Variants in DGKB observed in about 807,000 individuals in gnomAD.
DGKB encodes the protein diacylglycerol kinase beta.
A neutral mutation model predicts 114.3 loss-of-function variants in DGKB; 67 were observed. The ratio of observed to expected loss-of-function variants is 0.59; its 90% CI spans 0.48 to 0.72. DGKB has a LOEUF of 0.72. Among genes scored for constraint, DGKB ranks in the 30% least tolerant of loss-of-function variants. DGKB has a pLI of 0.00. For missense variants in DGKB, 907 were observed against 975.2 expected (o/e 0.93, Z 0.93); for synonymous variants, 398 against 323.1 (o/e 1.23, Z -2.49).
chr7:14,917,239 T>C (rs1375916169), intron 1 of DGKB, among the ~76,000 whole-genome samples: 1 of 151,862 alleles, frequency 6.6e-6, no homozygotes, highest in Non-Finnish European at 1.5e-5. Context: ...AAAGTAAAGC[T>C]ATATAAATGT....
intron 23 of DGKB, among the ~76,000 whole-genome samples, chr7:14,272,024 C>G (rs1367361159): frequency 6.6e-6 from 1 of 152,114 alleles, no homozygotes; most frequent in African/African-American, 2.4e-5. Flanking sequence ...CTATTGTCTC[C>G]TTTCCTTGAT....
intron 1 of DGKB, among the ~76,000 whole-genome samples, chr7:14,965,354 C>T (rs950420701): frequency 7.9e-5 from 12 of 151,920 alleles, no homozygotes; most frequent in Non-Finnish European, 1.5e-4. Flanking sequence ...TATGCAAGTA[C>T]GAGGAGGGGA....
intron 20 of DGKB, among the ~76,000 whole-genome samples, chr7:14,572,451 C>CAAAAAAAAAG (rs1798540921): frequency 7.6e-6 from 1 of 131,366 alleles, no homozygotes; most frequent in Non-Finnish European, 1.6e-5. Flanking sequence ...GACACCATCT[C>CAAAAAAAAAG]AAAAAAAAAG....
chr7:14,498,140 C>T (rs909412698), intron 20 of DGKB, among the ~76,000 whole-genome samples: 4 of 151,806 alleles, frequency 2.6e-5, no homozygotes, highest in Non-Finnish European at 5.9e-5. Flanking sequence ...ATATCTATTT[C>T]TGCTTAATTT....
In DGKB at chr7:14,399,921, G is replaced by A. The variant is rs181972808; in HGVS notation, c.1836-54530C>T. 1.2e-4 allele frequency among the ~76,000 whole-genome samples: 18 copies of A among 151,780 alleles called. No homozygotes were observed. The East Asian group carries it at 3.1e-3, about 26-fold the overall frequency. ...TTCTCTTTTGATAGAAGAGATACACGAAGGACAATATTAACAAGAAATTTA... is the reference window on the plus strand; with the variant it reads ...TTCTCTTTTGATAGAAGAGATACACAAAGGACAATATTAACAAGAAATTTA... On this transcript the variant is annotated intron_variant, in intron 21 of 25. Coordinates refer to ENST00000402815, the MANE Select transcript of DGKB (RefSeq NM_001350709.2).
chr7:14,419,935 T>G (rs910764303), intron 21 of DGKB, among the ~76,000 whole-genome samples: 1 of 152,058 alleles, frequency 6.6e-6, no homozygotes, highest in Non-Finnish European at 1.5e-5. Flanking sequence ...GGCTGGTATT[T>G]GGGACATGGA....
intron 23 of DGKB, among the ~76,000 whole-genome samples, chr7:14,278,492 T>A (rs1207670125): frequency 6.6e-6 from 1 of 151,990 alleles, no homozygotes; most frequent in South Asian, 2.1e-4. Flanking sequence ...AAAAACCAAC[T>A]CAAATGGACT....
intron 2 of DGKB, among the ~76,000 whole-genome samples, chr7:14,773,712 C>T (rs578120320): frequency 6.6e-6 from 1 of 152,022 alleles, no homozygotes; most frequent in African/African-American, 2.4e-5. Context: ...AGAAAAAGTT[C>T]CAGAAAGAAG....
chr7:14,931,046 G>C (rs1305504669), intron 1 of DGKB, among the ~76,000 whole-genome samples: 1 of 150,980 alleles, frequency 6.6e-6, no homozygotes, highest in Non-Finnish European at 1.5e-5. Context: ...TTGCATCACT[G>C]GTATTAAACC....
intron 25 of DGKB, 22 bp from the exon 26 acceptor site, chr7:14,149,260 G>T: frequency 1.3e-6 from 2 of 1,554,754 alleles, no homozygotes; most frequent in Non-Finnish European, 1.8e-6. Context: ...GAGAGAGAGA[G>T]AGAGAGAAAG....
intron 23 of DGKB, among the ~76,000 whole-genome samples, chr7:14,304,077 ACACACACACACTCTCT>A (rs1487393410): frequency 5.5e-5 from 5 of 90,442 alleles, no homozygotes; most frequent in African/African-American, 2.7e-4. Flanking sequence ...ACACACACAC[ACACACACACACTCTCT>A]CTCTCTCACC....
At chr7:14,539,447 A>G (rs1168786213) in intron 20 of DGKB, among the ~76,000 whole-genome samples, 1 of 152,186 alleles carries the variant, frequency 6.6e-6, no homozygotes. Context: ...ATAAAATAGC[A>G]TTCATAAAAG....
intron 1 of DGKB, among the ~76,000 whole-genome samples, chr7:14,950,510 GTTGGA>G (rs1253998412): frequency 6.6e-6 from 1 of 151,818 alleles, no homozygotes; most frequent in African/African-American, 2.4e-5. Flanking sequence ...CAAAATTTTA[GTTGGA>G]TTGATCAAGA....
chr7:14,778,175 C>A (rs777622553), intron 2 of DGKB, among the ~76,000 whole-genome samples: 10 of 152,142 alleles, frequency 6.6e-5, no homozygotes, highest in Non-Finnish European at 1.0e-4. Context: ...AGAAAGAGAA[C>A]AGGATTCAGA....
chr7:14,668,110 T>C (rs1045768620), intron 13 of DGKB, among the ~76,000 whole-genome samples: 10 of 152,028 alleles, frequency 6.6e-5, no homozygotes, highest in African/African-American at 2.2e-4. Flanking sequence ...GGACTTATAA[T>C]ATTTGCATTT....
At chr7:14,950,596 C>T (rs1786138667) in intron 1 of DGKB, among the ~76,000 whole-genome samples, 1 of 151,778 alleles carries the variant, frequency 6.6e-6, no homozygotes. Flanking sequence ...TATAATAAGG[C>T]AACAGGTTAA....
At chr7:14,216,747 A>AG (rs1789042809) in intron 23 of DGKB, among the ~76,000 whole-genome samples, 1 of 150,780 alleles carries the variant, frequency 6.6e-6, no homozygotes, top group African/African-American at 2.4e-5. Flanking sequence ...AAAAAAAAAA[A>AG]AGAACCATAT....
chr7:14,626,376 G>A (rs1175128709), intron 14 of DGKB, among the ~76,000 whole-genome samples: 2 of 152,194 alleles, frequency 1.3e-5, no homozygotes, highest in African/African-American at 4.8e-5. Flanking sequence ...CACTTGTATC[G>A]TAGAACTTAC....
At chr7:14,680,369 G>T (rs1238169472) in intron 12 of DGKB, among the ~76,000 whole-genome samples, 1 of 151,930 alleles carries the variant, frequency 6.6e-6, no homozygotes, top group African/African-American at 2.4e-5. Context: ...TGTCTTATCT[G>T]ATTTGAGACA....
Sources: allele counts gnomAD v4.1 joint callset (sites outside exome capture counted in the v4.1 genomes callset), GRCh38; gene constraint gnomAD v4.1.1; transcripts MANE v1.5; gene names NCBI Gene and HGNC (gene_info 2026-07-23, HGNC 2026-07-21).